The following ADAMTS17 variants were observed in gnomAD, a reference collection of about 807,000 sequenced individuals.
ADAMTS17 encodes the protein A disintegrin and metalloproteinase with thrombospondin motifs 17.
ADAMTS17 carries 113 observed loss-of-function variants against 141.5 expected under a neutral mutation model. The ratio of observed to expected loss-of-function variants is 0.80; its 90% CI spans 0.69 to 0.93. The LOEUF is 0.93. Ranked by LOEUF, ADAMTS17 falls within the 40% of genes least tolerant of loss-of-function variation. The probability of loss-of-function intolerance (pLI) is 0.00; values close to 1 mark genes in which losing one functional copy is unlikely to be tolerated. For missense variants in ADAMTS17, 1,659 were observed against 1,517.9 expected (o/e 1.09, Z -1.54); for synonymous variants, 768 against 630.6 (o/e 1.22, Z -3.27).
intron 15 of ADAMTS17, among the ~76,000 whole-genome samples, chr15:100,061,525 T>G (rs749507540): frequency 2.0e-5 from 3 of 152,214 alleles, no homozygotes; most frequent in Non-Finnish European, 4.4e-5. Context: ...AGTTAGCACC[T>G]GTTGGCCTTA....
At chr15:100,005,874 G>A (rs1363594694) in intron 18 of ADAMTS17, among the ~76,000 whole-genome samples, 2 of 152,154 alleles carry the variant, frequency 1.3e-5, no homozygotes, top group Non-Finnish European at 2.9e-5. Flanking sequence ...GAAGGAGAAC[G>A]TGTTCTGTGT....
chr15:100,018,811 T>C (rs1383151998), intron 18 of ADAMTS17, among the ~76,000 whole-genome samples: 2 of 152,150 alleles, frequency 1.3e-5, no homozygotes, highest in Non-Finnish European at 2.9e-5. Context: ...GGACGTGCCC[T>C]TTCACATCTA....
chr15:100,106,425 T>C (rs1427960510), intron 14 of ADAMTS17, among the ~76,000 whole-genome samples: 3 of 152,242 alleles, frequency 2.0e-5, no homozygotes, highest in Non-Finnish European at 2.9e-5. Context: ...GCCATTCAAA[T>C]GTCTGGAGCA....
chr15:100,107,929 G>A lies in ADAMTS17; in HGVS notation c.2016+1060C>T, dbSNP rs554200297. On this transcript the variant is annotated intron_variant, in intron 14 of 21. Coordinates refer to ENST00000268070, the MANE Select transcript of ADAMTS17 (RefSeq NM_139057.4). ...GCCCAGCTTGACCCGAGTCACCAGG[G>A]AGTATGGTACCTGTGGCATAAGCGA... Among the ~76,000 whole-genome samples the A allele has an allele frequency of 8.5e-5, 13 of 152,190 alleles. No individual in the cohort carries two copies. The East Asian group carries it at 2.5e-3, about 29-fold the overall frequency.
chr15:100,102,611 G>T (rs776704327), intron 14 of ADAMTS17, among the ~76,000 whole-genome samples: 8 of 151,818 alleles, frequency 5.3e-5, no homozygotes, highest in Non-Finnish European at 8.8e-5. Context: ...ACATTTGAAG[G>T]CCGACTGAAA....
chr15:100,142,644 C>G (rs2038712960), intron 10 of ADAMTS17, among the ~76,000 whole-genome samples: 1 of 152,144 alleles, frequency 6.6e-6, no homozygotes, highest in African/African-American at 2.4e-5. Context: ...CATAGTGAGA[C>G]TAGGCAACCT....
chr15:100,170,411 A>G (rs1403382004), intron 8 of ADAMTS17, among the ~76,000 whole-genome samples: 1 of 152,098 alleles, frequency 6.6e-6, no homozygotes, highest in African/African-American at 2.4e-5. Flanking sequence ...CCAGCCGCGG[A>G]AAGTCCCTCA....
rs1040103706 is a variant in ADAMTS17, at chr15:100,197,865, T to C, written c.1181+1453A>G. Among the ~76,000 whole-genome samples the C allele has an allele frequency of 6.6e-5, 10 of 152,306 alleles. No homozygotes were observed. The East Asian group carries it at 1.9e-3, about 29-fold the overall frequency. The stretch of plus-strand genomic sequence containing the variant: ...AGCCATAAAAATGGATGAGTTCATG[T>C]CCTTTGCAGGGACATGGATGAAGCT... On this transcript the variant is annotated intron_variant, in intron 8 of 21. Transcript: ENST00000268070.
intron 7 of ADAMTS17, among the ~76,000 whole-genome samples, chr15:100,241,336 A>G (rs558389225): frequency 2.0e-5 from 3 of 152,360 alleles, no homozygotes; most frequent in African/African-American, 7.2e-5. Flanking sequence ...GTAAGCCTGA[A>G]CGTAGAGATA....
intron 7 of ADAMTS17, among the ~76,000 whole-genome samples, chr15:100,219,921 G>T (rs573326751): frequency 6.6e-6 from 1 of 152,086 alleles, no homozygotes; most frequent in South Asian, 2.1e-4. Flanking sequence ...AATAATATGT[G>T]CCAAAAACCG....
intron 13 of ADAMTS17, 39 bp from the exon 14 acceptor site, chr15:100,109,155 G>C (rs1236391566): frequency 6.3e-7 from 1 of 1,577,248 alleles, no homozygotes; most frequent in Non-Finnish European, 8.6e-7. Context: ...ACACGGGAAG[G>C]TGTGCGTGGG....
At chr15:100,305,918 T>TA in intron 3 of ADAMTS17, 1 of 152,516 alleles carries the variant, frequency 6.6e-6, no homozygotes, top group South Asian at 2.1e-4. Flanking sequence ...TTATTGCATG[T>TA]TAATTTTATC....
At chr15:100,307,148 CCA>C (rs1167245558) in intron 3 of ADAMTS17, among the ~76,000 whole-genome samples, 1 of 152,174 alleles carries the variant, frequency 6.6e-6, no homozygotes, top group Non-Finnish European at 1.5e-5. Flanking sequence ...CTTCTGAGGA[CCA>C]CACCAAACCA....
intron 3 of ADAMTS17, among the ~76,000 whole-genome samples, chr15:100,329,377 A>T (rs1328295870): frequency 6.6e-6 from 1 of 152,198 alleles, no homozygotes; most frequent in East Asian, 1.9e-4. Context: ...ATCTCTACCA[A>T]AACAAAAATT....
chr15:100,106,237 C>A (rs533041369), intron 14 of ADAMTS17, among the ~76,000 whole-genome samples: 1 of 152,172 alleles, frequency 6.6e-6, no homozygotes, highest in African/African-American at 2.4e-5. Flanking sequence ...TCACCAGAAC[C>A]CATCTATGCC....
At chr15:100,047,121 T>C (rs1272095751) in intron 18 of ADAMTS17, among the ~76,000 whole-genome samples, 1 of 151,834 alleles carries the variant, frequency 6.6e-6, no homozygotes, top group African/African-American at 2.4e-5. Flanking sequence ...ACAGTAGGCA[T>C]GAAATGAGCC....
At chr15:100,160,913 A>C (rs1031444429) in intron 8 of ADAMTS17, among the ~76,000 whole-genome samples, 12 of 152,122 alleles carry the variant, frequency 7.9e-5, no homozygotes, top group African/African-American at 2.9e-4. Context: ...TTTTTAGTTT[A>C]AATTAAAGAT....
rs139880434 is a variant in ADAMTS17 at position 100,156,820 on chromosome 15, A to AAC, written c.1182-1502_1182-1501dup. Among the ~76,000 whole-genome samples, 21 of 151,900 alleles carry AAC rather than the reference A, an allele frequency of 1.4e-4. 1 individual carries two copies. Among genetic ancestry groups the AAC allele is most frequent in the African/African-American group, 2.2e-4 (9 of 41,372 alleles). Reference sequence around the variant, plus strand: ...TTACAATCCTTTTTATGTGTATACAAACACACACACACACATGCACATATA... The same window carrying AAC: ...TTACAATCCTTTTTATGTGTATACAAACACACACACACACACATGCACATATA... On this transcript the variant is annotated intron_variant, in intron 8 of 21. Transcript: ENST00000268070.
intron 14 of ADAMTS17, among the ~76,000 whole-genome samples, chr15:100,101,319 C>A (rs979157873): frequency 2.0e-5 from 3 of 152,212 alleles, no homozygotes; most frequent in East Asian, 1.9e-4. Flanking sequence ...CGTTTGTGAG[C>A]TGACATGGCC....
Sources: gnomAD v4.1 joint callset for allele counts (sites outside exome capture counted in the v4.1 genomes callset) on GRCh38, gnomAD v4.1.1 for gene constraint, MANE v1.5 for transcripts, NCBI Gene and HGNC (gene_info 2026-07-23, HGNC 2026-07-21) for gene names.